The following PLSCR2 variants were observed in gnomAD, a reference collection of about 807,000 sequenced individuals.
The protein encoded by PLSCR2 is phospholipid scramblase 2.
PLSCR2 carries 18 observed loss-of-function variants against 25.3 expected under a neutral mutation model. The ratio of observed to expected loss-of-function variants is 0.71; its 90% CI spans 0.49 to 1.06. The LOEUF is 1.06. Among genes scored for constraint, PLSCR2 ranks in the 50% least tolerant of loss-of-function variants. The pLI is 0.00. For synonymous variants in PLSCR2, 88 were observed against 87.3 expected (o/e 1.01, Z -0.04); for missense variants, 243 against 269.5 (o/e 0.90, Z 0.69).
chr3:146,470,477 G>C (rs1202274779), intron 1 of PLSCR2, among the ~76,000 whole-genome samples: 2 of 152,116 alleles, frequency 1.3e-5, no homozygotes, highest in African/African-American at 4.8e-5. Context: ...GAACCCGGAA[G>C]GCAGAGGTTG....
At chr3:146,408,168 C>T (rs1384949353) in intron 2 of PLSCR2, among the ~76,000 whole-genome samples, 1 of 152,158 alleles carries the variant, frequency 6.6e-6, no homozygotes, top group Non-Finnish European at 1.5e-5. Flanking sequence ...GCTGCAGCCG[C>T]TACAGCTCGC....
chr3:146,393,251 A>G (rs2038153773), intron 3 of PLSCR2, among the ~76,000 whole-genome samples: 1 of 113,598 alleles, frequency 8.8e-6, no homozygotes, highest in African/African-American at 3.4e-5. Context: ...GATGGTCTTG[A>G]TCTTCTGGCC....
intron 2 of PLSCR2, among the ~76,000 whole-genome samples, chr3:146,427,261 T>A (rs2039389624): frequency 6.6e-6 from 1 of 152,196 alleles, no homozygotes; most frequent in Non-Finnish European, 1.5e-5. Flanking sequence ...CTGTAGAATC[T>A]ATATTAGTTC....
chr3:146,429,079 G>T (rs2039455293), downstream of PLSCR2, among the ~76,000 whole-genome samples: 1 of 152,168 alleles, frequency 6.6e-6, no homozygotes, highest in Non-Finnish European at 1.5e-5. Context: ...TGCTTTAAAA[G>T]AATACCTGAG....
At chr3:146,418,833 T>A (rs1050260524) in intron 2 of PLSCR2, among the ~76,000 whole-genome samples, 1 of 152,190 alleles carries the variant, frequency 6.6e-6, no homozygotes, top group African/African-American at 2.4e-5. Context: ...ATTTCCTTGA[T>A]AATGCCAACT....
At chr3:146,478,035 A>G (rs941424528) in intron 1 of PLSCR2, among the ~76,000 whole-genome samples, 1 of 152,198 alleles carries the variant, frequency 6.6e-6, no homozygotes, top group Non-Finnish European at 1.5e-5. Context: ...TAGAAGGAAA[A>G]CTAACAAACT....
intron 3 of PLSCR2, among the ~76,000 whole-genome samples, chr3:146,457,980 T>C (rs901776411): frequency 6.6e-6 from 1 of 152,160 alleles, no homozygotes; most frequent in Admixed American, 6.5e-5. Flanking sequence ...GGCGTGGTGT[T>C]TGTATAGAAC....
chr3:146,458,196 C>A (rs554805440), intron 3 of PLSCR2, among the ~76,000 whole-genome samples: 21 of 152,234 alleles, frequency 1.4e-4, no homozygotes, highest in African/African-American at 4.3e-4. Flanking sequence ...ACAGGTAGAA[C>A]CCACGGATAG....
At chr3:146,430,823 C>G (rs1310735744), downstream of PLSCR2, among the ~76,000 whole-genome samples, 12 of 151,382 alleles carry the variant, frequency 7.9e-5, no homozygotes, top group Admixed American at 7.9e-4. Context: ...TTCTTTCCCT[C>G]CCTCTTTATT....
intron 8 of PLSCR2, among the ~76,000 whole-genome samples, chr3:146,434,654 C>G (rs926816905): frequency 6.6e-6 from 1 of 151,810 alleles, no homozygotes; most frequent in African/African-American, 2.4e-5. Flanking sequence ...CAAATGGAAA[C>G]AAATGATTTT....
downstream of PLSCR2, among the ~76,000 whole-genome samples, chr3:146,441,333 TAC>T (rs1470029699): frequency 6.6e-6 from 1 of 152,034 alleles, no homozygotes; most frequent in Non-Finnish European, 1.5e-5. Context: ...GTTTTCTGAG[TAC>T]ACAGTATTTG....
chr3:146,469,850 C>T (rs1444161363), intron 1 of PLSCR2, among the ~76,000 whole-genome samples: 1 of 151,844 alleles, frequency 6.6e-6, no homozygotes, highest in Non-Finnish European at 1.5e-5. Context: ...CATCCCCGTC[C>T]CCTTTTTTGC....
chr3:146,441,669 A>C, downstream of PLSCR2: 1 of 657,626 alleles, frequency 1.5e-6, no homozygotes. Flanking sequence ...AGGTGTAAGT[A>C]ATTTAAATAA....
At chr3:146,393,026 CCT>C (rs1491107014) in intron 3 of PLSCR2, among the ~76,000 whole-genome samples, 1 of 118,684 alleles carries the variant, frequency 8.4e-6, no homozygotes, top group East Asian at 2.2e-4. Flanking sequence ...TATTTACATT[CCT>C]TTTTTTTTTT....
chr3:146,467,183 TACTC>T (rs2041910053), intron 1 of PLSCR2, among the ~76,000 whole-genome samples: 1 of 152,196 alleles, frequency 6.6e-6, no homozygotes, highest in Admixed American at 6.5e-5. Flanking sequence ...AGTACATAAA[TACTC>T]ACTTAACATA....
intron 2 of PLSCR2, among the ~76,000 whole-genome samples, chr3:146,398,306 G>A (rs1359787068): frequency 2.0e-5 from 3 of 151,700 alleles, no homozygotes; most frequent in Admixed American, 1.3e-4. Flanking sequence ...TTTATAAAAA[G>A]CAGAAACTGC....
At chr3:146,471,941 T>C (rs2042134069) in intron 1 of PLSCR2, among the ~76,000 whole-genome samples, 1 of 152,226 alleles carries the variant, frequency 6.6e-6, no homozygotes, top group South Asian at 2.1e-4. Flanking sequence ...GAAATTTTTA[T>C]TTTCAGTGAT....
At chr3:146,435,456 C>T (rs374235176) in intron 8 of PLSCR2, among the ~76,000 whole-genome samples, 3 of 152,038 alleles carry the variant, frequency 2.0e-5, no homozygotes, top group South Asian at 2.1e-4. Context: ...TTTTTAATGA[C>T]TGCCATTCTA....
intron 3 of PLSCR2, among the ~76,000 whole-genome samples, chr3:146,457,907 A>G (rs2041312523): frequency 6.6e-6 from 1 of 152,102 alleles, no homozygotes; most frequent in African/African-American, 2.4e-5. Context: ...TTTGTAGGAG[A>G]TTGGTTCTAG....
Sources: gnomAD v4.1 joint callset for allele counts (sites outside exome capture counted in the v4.1 genomes callset) on GRCh38, gnomAD v4.1.1 for gene constraint, MANE v1.5 for transcripts, NCBI Gene and HGNC (gene_info 2026-07-23, HGNC 2026-07-21) for gene names.